SPOCK2: variants seen among roughly 807,000 people sequenced by gnomAD.
The protein encoded by SPOCK2 is testican-2.
SPOCK2 carries 39 observed loss-of-function variants against 60.1 expected under a neutral mutation model. That is an observed-to-expected ratio of 0.65 (90% CI 0.50 to 0.85). The LOEUF is 0.85. Among genes scored for constraint, SPOCK2 ranks in the 40% least tolerant of loss-of-function variants. SPOCK2 has a pLI of 0.00. For missense variants in SPOCK2, 523 were observed against 567.4 expected, an observed-to-expected ratio of 0.92 and a Z score of 0.80; for synonymous variants, 217 against 231.5, an observed-to-expected ratio of 0.94 and a Z score of 0.57.
At chr10:72,086,428 T>G (rs1219547719) in intron 1 of SPOCK2, 16 of 1,035,662 alleles carry the variant, frequency 1.5e-5, no homozygotes, top group Non-Finnish European at 1.7e-5. Context: ...CTGTTCTGAT[T>G]AAGCATTTCT....
chr10:72,087,026 AAG>A lies in SPOCK2; in HGVS notation c.189+1112_189+1113del, dbSNP rs1840867831. The A allele has an allele frequency of 1.3e-6, 2 of 1,549,024 alleles. No homozygotes were observed. The highest frequency in any genetic ancestry group is 1.7e-6 in the Non-Finnish European group (2 of 1,145,848). ...GGAGGAGTAAGGGCCAGGGTCCTAG[AAG>A]AGGTTTTCTGGGGTCAGGGCCGCGG... On this transcript the variant is annotated intron_variant, in intron 1 of 10. Coordinates refer to ENST00000373109, the MANE Select transcript of SPOCK2 (RefSeq NM_001244950.2). The surrounding 1 kb of genome is among the most constrained non-coding windows in gnomAD (Gnocchi z 4.7).
chr10:72,068,948 TG>T (rs918062425), intron 5 of SPOCK2: 4 of 152,388 alleles, frequency 2.6e-5, no homozygotes, highest in Non-Finnish European at 4.4e-5. Context: ...TTATCTCACT[TG>T]GGAGGCTTGG....
chr10:72,067,166 C>T (rs1190248657), intron 7 of SPOCK2, 46 bp from the exon 8 acceptor site: 14 of 1,561,302 alleles, frequency 9.0e-6, no homozygotes, highest in African/African-American at 4.1e-5. Flanking sequence ...GCTATTCAGC[C>T]GTTTCTCCAG....
intron 1 of SPOCK2, among the ~76,000 whole-genome samples, chr10:72,078,525 A>G (rs1398228790): frequency 6.6e-6 from 1 of 151,746 alleles, no homozygotes; most frequent in African/African-American, 2.4e-5. Context: ...AAATAAAGAA[A>G]TAAATAATAA....
At position 72,070,429 on chromosome 10, in the gene SPOCK2, A is replaced by G. The variant is rs748632940; in HGVS notation, c.360-3T>C. The G allele has an allele frequency of 4.3e-6, 7 of 1,613,902 alleles. No individual in the cohort carries two copies. The highest frequency in any genetic ancestry group is 5.1e-6 in the Non-Finnish European group (6 of 1,179,866). The stretch of plus-strand genomic sequence containing the variant: ...GTTTCACGGTCGGCTGCTTGATCCT[A>G]CAGGAGAGGGTGGGGGGCACACCAG... On this transcript the variant is annotated splice_polypyrimidine_tract_variant and splice_region_variant and intron_variant, in intron 4 of 10. Transcript: ENST00000373109.
intron 8 of SPOCK2, among the ~76,000 whole-genome samples, chr10:72,066,577 T>A (rs1678626): frequency 3.3e-5 from 5 of 150,132 alleles, no homozygotes; most frequent in African/African-American, 4.9e-5. Flanking sequence ...CTGGGTCACA[T>A]GATCCTCCCA....
chr10:72,076,500 G>T (rs183621652), intron 1 of SPOCK2, among the ~76,000 whole-genome samples: 58 of 152,312 alleles, frequency 3.8e-4, no homozygotes, highest in African/African-American at 1.3e-3. Context: ...GGAAAATGGG[G>T]ATTTGGAAGA....
intron 8 of SPOCK2, among the ~76,000 whole-genome samples, chr10:72,064,625 G>A (rs61852257): frequency 2.0e-5 from 3 of 152,170 alleles, no homozygotes; most frequent in African/African-American, 7.2e-5. Context: ...ACAGCCACGC[G>A]CTACACAACA....
In SPOCK2 at chr10:72,064,255, G is replaced by T; in HGVS notation, c.929-15C>A. On this transcript the variant is annotated splice_polypyrimidine_tract_variant and intron_variant, in intron 8 of 10. Transcript: ENST00000373109. ...GCAGGGGGGCTCTGTGGGGAGAGAA[G>T]CAGCCTCTGATGGGACTGTCCCCTG... The T allele has an allele frequency of 6.3e-7, 1 of 1,582,980 alleles. No individual in the cohort carries two copies.
At position 72,061,596 on chromosome 10, in the gene SPOCK2, AG is replaced by A. The variant is rs1840491983; in HGVS notation, c.*1163del. ...AGGACAGGAGTGTTAAGGGTCAGGGAGGAGGTGGGCACACACCCCCTTAGCC... is the reference window on the plus strand; with the variant it reads ...AGGACAGGAGTGTTAAGGGTCAGGGAGAGGTGGGCACACACCCCCTTAGCC... On this transcript the variant is annotated 3_prime_UTR_variant, in exon 11 of 11. Transcript: ENST00000373109. 6.6e-6 allele frequency: 1 copy of A among 152,292 alleles called. No homozygotes were observed. Among genetic ancestry groups the A allele is most frequent in the Admixed American group, 6.5e-5 (1 of 15,280 alleles). 9.4% of individuals were successfully genotyped at this position (152,292 alleles called of 1,614,324 possible).
chr10:72,064,218 C>A lies in SPOCK2; in HGVS notation c.951G>T (p.Leu317=). The A allele has an allele frequency of 6.2e-7, 1 of 1,607,300 alleles. No individual in the cohort carries two copies. The highest frequency in any genetic ancestry group is 8.5e-7 in the Non-Finnish European group (1 of 1,177,654). ...CGGCCTCCTGGATCTGGATGCGCTC[C>A]AGCTCTGCCAGGCAGGGGGGCTCTG... ...WREKPPCLAE[L]ERIQIQEAAK... The change falls in exon 9 of 11, where the codon CTG becomes CTT. Residue 317 remains leucine (L), a synonymous_variant. Coordinates refer to ENST00000373109, the MANE Select transcript of SPOCK2 (RefSeq NM_001244950.2).
In SPOCK2 at chr10:72,061,721, G is replaced by C. The variant is rs1277747368; in HGVS notation, c.*1039C>G. ...GGATGGAGGCAGGAGTTGCACCAAG[G>C]GGGAGCCAGGCAGAGGTCAACTGTG... On this transcript the variant is annotated 3_prime_UTR_variant, in exon 11 of 11. Transcript: ENST00000373109. 6.5e-6 allele frequency: 1 copy of C among 152,672 alleles called. No individual in the cohort carries two copies. The highest frequency in any genetic ancestry group is 1.9e-4 in the East Asian group (1 of 5,208). The allele number at this position is 152,672 out of a possible 1,614,324, so 9.5% of individuals were successfully genotyped here. A position where few individuals can be genotyped will look rare whatever the true frequency, so the allele number is the denominator to read the frequency against.
intron 4 of SPOCK2, among the ~76,000 whole-genome samples, chr10:72,070,735 C>T (rs1177119524): frequency 6.6e-6 from 1 of 152,096 alleles, no homozygotes; most frequent in African/African-American, 2.4e-5. Flanking sequence ...TCACACTTCA[C>T]TTAGGGGGTC....
intron 1 of SPOCK2, among the ~76,000 whole-genome samples, chr10:72,078,803 C>T (rs1439388754): frequency 6.6e-6 from 1 of 152,180 alleles, no homozygotes; most frequent in Non-Finnish European, 1.5e-5. Context: ...GAGCCCCACT[C>T]CTTATCCTTC....
rs1840489299 is a variant in SPOCK2, at chr10:72,061,363, G to T, written c.*1397C>A. On this transcript the variant is annotated 3_prime_UTR_variant, in exon 11 of 11. Transcript: ENST00000373109. ...TGCAGGCTTCAAAACAGAGCTTGGG[G>T]AAGCCCCTCTGCGGGGCAGCCCTAG... 6.6e-6 allele frequency: 1 copy of T among 152,356 alleles called. No individual in the cohort carries two copies. Among genetic ancestry groups the T allele is most frequent in the Non-Finnish European group, 1.5e-5 (1 of 68,164 alleles). The allele number at this position is 152,356 out of a possible 1,614,324, so 9.4% of individuals were successfully genotyped here. A position where few individuals can be genotyped will look rare whatever the true frequency, so the allele number is the denominator to read the frequency against.
intron 8 of SPOCK2, 139 bp from the exon 9 acceptor site, chr10:72,064,379 G>C: frequency 1.1e-6 from 1 of 913,480 alleles, no homozygotes; most frequent in Non-Finnish European, 1.6e-6. Context: ...TCACCCCACA[G>C]CAGGGGTGGG....
At chr10:72,064,020 G>C (rs888410563) in intron 9 of SPOCK2, among the ~76,000 whole-genome samples, 158 bp downstream of exon 9, 1 of 152,226 alleles carries the variant, frequency 6.6e-6, no homozygotes, top group Non-Finnish European at 1.5e-5. Flanking sequence ...CACAAGGATA[G>C]ACACAGGAAG....
intron 2 of SPOCK2, 67 bp from the exon 3 acceptor site, chr10:72,072,615 G>A (rs867642858): frequency 2.3e-5 from 37 of 1,606,134 alleles, no homozygotes; most frequent in Middle Eastern, 1.6e-4. Context: ...GTTCAACTGC[G>A]GGGTCGAGGA....
chr10:72,070,268 C>T (rs775882406), intron 5 of SPOCK2, 44 bp downstream of exon 5: 1 of 1,596,962 alleles, frequency 6.3e-7, no homozygotes, highest in Admixed American at 1.7e-5. Flanking sequence ...CCTGTGGCCT[C>T]AGGTGACTCC....
Sources: allele counts gnomAD v4.1 joint callset (sites outside exome capture counted in the v4.1 genomes callset), GRCh38; gene constraint gnomAD v4.1.1; non-coding constraint Gnocchi (gnomAD v3.1); transcripts MANE v1.5; gene names NCBI Gene and HGNC (gene_info 2026-07-23, HGNC 2026-07-21).